The following ACYP2 variants were observed in gnomAD, a reference collection of about 807,000 sequenced individuals.
The protein encoded by ACYP2 is acylphosphatase-2.
A neutral mutation model predicts 11.2 loss-of-function variants in ACYP2; 12 were observed. The observed-to-expected ratio is 1.08, with a 90% CI of 0.69 to 1.74. ACYP2 has a LOEUF of 1.74. Among genes scored for constraint, ACYP2 ranks in the 40% most tolerant of loss-of-function variants. ACYP2 has a pLI of 0.00. For missense variants in ACYP2, 134 were observed against 101.9 expected (o/e 1.31, Z -1.35); for synonymous variants, 43 against 32.2 (o/e 1.33, Z -1.13).
At chr2:54,137,144 AC>A (rs1021035652) in intron 5 of ACYP2, among the ~76,000 whole-genome samples, 5 of 152,214 alleles carry the variant, frequency 3.3e-5, no homozygotes, top group African/African-American at 1.2e-4. Flanking sequence ...AGATAAATCT[AC>A]CCATAGACAA....
At chr2:53,972,332 C>T (rs1178727689) in intron 1 of ACYP2, among the ~76,000 whole-genome samples, 3 of 149,702 alleles carry the variant, frequency 2.0e-5, no homozygotes, top group African/African-American at 7.4e-5. Flanking sequence ...GGGCCAGGCG[C>T]GTGGTGGCTC....
intron 6 of ACYP2, among the ~76,000 whole-genome samples, chr2:54,207,545 A>G (rs1166168586): frequency 2.0e-5 from 3 of 152,356 alleles, no homozygotes; most frequent in East Asian, 1.9e-4. Flanking sequence ...TGACCAAACA[A>G]TTAAGCACCA....
intron 2 of ACYP2, among the ~76,000 whole-genome samples, chr2:54,022,570 G>A (rs550140352): frequency 1.2e-4 from 19 of 152,126 alleles, no homozygotes; most frequent in African/African-American, 4.3e-4. Context: ...AGTAGATGTG[G>A]GGTCTCCCTA....
At chr2:54,050,026 A>G (rs1675752667) in intron 2 of ACYP2, among the ~76,000 whole-genome samples, 1 of 152,222 alleles carries the variant, frequency 6.6e-6, no homozygotes, top group Non-Finnish European at 1.5e-5. Flanking sequence ...GACAGTTAGA[A>G]AATAAATGCG....
chr2:54,177,902 T>TTTC (rs1558590314), intron 6 of ACYP2, among the ~76,000 whole-genome samples: 1 of 37,196 alleles, frequency 2.7e-5, no homozygotes, highest in African/African-American at 1.2e-4. Flanking sequence ...TCTTTCTTTC[T>TTTC]TTATTTTTTT....
chr2:54,261,563 T>C (rs1050494141), intron 6 of ACYP2, among the ~76,000 whole-genome samples: 28 of 152,178 alleles, frequency 1.8e-4, no homozygotes, highest in Non-Finnish European at 8.8e-5. Flanking sequence ...AACTCAATAT[T>C]AGATGACTGA....
chr2:54,198,696 A>G (rs1302701808), intron 6 of ACYP2, among the ~76,000 whole-genome samples: 1 of 152,202 alleles, frequency 6.6e-6, no homozygotes, highest in Non-Finnish European at 1.5e-5. Context: ...AATATAAGAC[A>G]TTTTTAGGGA....
At position 54,216,446 on chromosome 2, in the gene ACYP2, G is replaced by A. The variant is rs190689558; in HGVS notation, c.404+77698G>A. Among the ~76,000 whole-genome samples, 10 of 151,920 alleles carry A rather than the reference G, an allele frequency of 6.6e-5. No individual in the cohort carries two copies. The East Asian group carries it at 1.7e-3, about 26-fold the overall frequency. On this transcript the variant is annotated intron_variant, in intron 6 of 6. Coordinates refer to ENST00000607452, the MANE Select transcript of ACYP2 (RefSeq NM_001320586.2). The stretch of plus-strand genomic sequence containing the variant: ...TTATATTAAATATGAAGATTAATTT[G>A]GGGAGAGTGACATATTTATAATATT...
intron 6 of ACYP2, among the ~76,000 whole-genome samples, chr2:54,256,530 G>A (rs986403229): frequency 1.3e-5 from 2 of 152,120 alleles, no homozygotes; most frequent in African/African-American, 4.8e-5. Flanking sequence ...TTTTCATATG[G>A]ATTTGTAGGA....
chr2:54,282,272 A>G (rs1325845276), intron 6 of ACYP2, among the ~76,000 whole-genome samples: 1 of 152,228 alleles, frequency 6.6e-6, no homozygotes, highest in Non-Finnish European at 1.5e-5. Context: ...TTTAAATAAA[A>G]TAACTAAAAT....
At chr2:54,006,346 C>T (rs1673061746) in intron 2 of ACYP2, among the ~76,000 whole-genome samples, 1 of 152,036 alleles carries the variant, frequency 6.6e-6, no homozygotes. Flanking sequence ...GGGGTTTCAC[C>T]ATATTGGCCA....
chr2:54,146,715 CTTG>C (rs988927600), intron 6 of ACYP2, among the ~76,000 whole-genome samples: 6 of 151,590 alleles, frequency 4.0e-5, no homozygotes, highest in African/African-American at 1.2e-4. Context: ...GCATCTCATT[CTTG>C]TTGTTGTTTT....
chr2:54,084,751 A>G (rs756529466), intron 4 of ACYP2: 1 of 152,244 alleles, frequency 6.6e-6, no homozygotes, highest in Non-Finnish European at 1.5e-5. Flanking sequence ...AGAGTCAGCA[A>G]AATGGGGCCT....
In ACYP2 at chr2:54,177,976, C is replaced by G. The variant is rs573460251; in HGVS notation, c.404+39228C>G. 6.7e-5 allele frequency among the ~76,000 whole-genome samples: 10 copies of G among 149,914 alleles called. 1 individual carries two copies. The highest frequency in any genetic ancestry group is 2.5e-4 in the African/African-American group (10 of 40,684). ...CTAGAGTGCAGTGGCGCCATCTCGG[C>G]TCACTGCAAACTCTACCTCCCAGAT... On this transcript the variant is annotated intron_variant, in intron 6 of 6. Transcript: ENST00000607452.
At chr2:54,244,409 C>G (rs1186590412) in intron 6 of ACYP2, among the ~76,000 whole-genome samples, 1 of 152,078 alleles carries the variant, frequency 6.6e-6, no homozygotes, top group Non-Finnish European at 1.5e-5. Flanking sequence ...ACCATGTTGG[C>G]CAGGCTTGTC....
Position 54,223,497 on chromosome 2 carries a change from G to C in ACYP2, c.405-81191G>C, listed in dbSNP as rs183469477. On this transcript the variant is annotated intron_variant, in intron 6 of 6. Coordinates refer to ENST00000607452, the MANE Select transcript of ACYP2 (RefSeq NM_001320586.2). ...TATTCAGAGTGAATTTTAGGAGCTT[G>C]AAAACTTGATATGTTTATGAGCCCA... 5.3e-5 allele frequency among the ~76,000 whole-genome samples: 8 copies of C among 152,250 alleles called. No individual in the cohort carries two copies. The East Asian group carries it at 1.2e-3, about 22-fold the overall frequency.
chr2:54,182,047 A>ATTTTTTTTTTT (rs35145998), intron 6 of ACYP2, among the ~76,000 whole-genome samples: 5 of 83,068 alleles, frequency 6.0e-5, no homozygotes, highest in African/African-American at 2.6e-4. Flanking sequence ...ATAGAAGATA[A>ATTTTTTTTTTT]TTTTTTTTTT....
intron 6 of ACYP2, among the ~76,000 whole-genome samples, chr2:54,206,095 A>G (rs1685060478): frequency 6.6e-6 from 1 of 152,160 alleles, no homozygotes; most frequent in South Asian, 2.1e-4. Context: ...AAGTTACTGC[A>G]TTATTTTAAT....
chr2:54,262,195 G>C (rs1687809631), intron 6 of ACYP2, among the ~76,000 whole-genome samples: 1 of 152,146 alleles, frequency 6.6e-6, no homozygotes, highest in Admixed American at 6.6e-5. Context: ...GCTTGTGACT[G>C]GACCTGTGTC....
Sources: gnomAD v4.1 joint callset for allele counts (sites outside exome capture counted in the v4.1 genomes callset) on GRCh38, gnomAD v4.1.1 for gene constraint, MANE v1.5 for transcripts, NCBI Gene and HGNC (gene_info 2026-07-23, HGNC 2026-07-21) for gene names.